The following EXOC6B variants were observed in gnomAD, a reference collection of about 807,000 sequenced individuals.
EXOC6B encodes the protein SEC15 homolog B.
A neutral mutation model predicts 113.5 loss-of-function variants in EXOC6B; 54 were observed. The ratio of observed to expected loss-of-function variants is 0.48; its 90% CI spans 0.38 to 0.60. The LOEUF (loss-of-function observed/expected upper bound fraction) is 0.60, where lower values mean the gene tolerates loss of function less well. Among genes scored for constraint, EXOC6B ranks in the 20% least tolerant of loss-of-function variants. The pLI, the probability that EXOC6B is intolerant of heterozygous loss-of-function variation, is 0.00. For synonymous variants in EXOC6B, 357 were observed against 339.0 expected (o/e 1.05, Z -0.58); for missense variants, 797 against 977.5 (o/e 0.82, Z 2.46).
chr2:72,470,567 T>C (rs944279166), intron 17 of EXOC6B, among the ~76,000 whole-genome samples: 10 of 152,046 alleles, frequency 6.6e-5, no homozygotes, highest in Non-Finnish European at 4.4e-5. Flanking sequence ...GCTGCACCTA[T>C]TAACTCGTCA....
intron 6 of EXOC6B, among the ~76,000 whole-genome samples, chr2:72,625,908 AC>A (rs2104228144): frequency 6.6e-6 from 1 of 152,208 alleles, no homozygotes; most frequent in East Asian, 1.9e-4. Flanking sequence ...CAAAACTATT[AC>A]TTTTACATGG....
At chr2:72,309,586 T>G (rs555096886) in intron 20 of EXOC6B, among the ~76,000 whole-genome samples, 4 of 152,186 alleles carry the variant, frequency 2.6e-5, no homozygotes, top group Admixed American at 2.6e-4. Flanking sequence ...ATTCTTTCAC[T>G]CACTGATGCT....
chr2:72,613,405 T>G (rs954006888), intron 6 of EXOC6B, among the ~76,000 whole-genome samples: 1 of 151,970 alleles, frequency 6.6e-6, no homozygotes, highest in African/African-American at 2.4e-5. Context: ...GTTAATTGAA[T>G]TAATGAAAAA....
intron 6 of EXOC6B, among the ~76,000 whole-genome samples, chr2:72,631,536 G>A (rs1672470585): frequency 1.5e-5 from 2 of 137,134 alleles, no homozygotes; most frequent in Non-Finnish European, 1.5e-5. Flanking sequence ...ACAAGGTCTT[G>A]CTCTGTCACC....
chr2:72,370,263 G>A (rs1451792103), intron 19 of EXOC6B, among the ~76,000 whole-genome samples: 1 of 152,182 alleles, frequency 6.6e-6, no homozygotes, highest in Non-Finnish European at 1.5e-5. Flanking sequence ...ATGAAAAAAT[G>A]CTCATCATCA....
At chr2:72,810,072 C>T (rs1268987510) in intron 1 of EXOC6B, among the ~76,000 whole-genome samples, 1 of 151,958 alleles carries the variant, frequency 6.6e-6, no homozygotes, top group Non-Finnish European at 1.5e-5. Context: ...TGAAATCAAA[C>T]TAGAAATCAG....
rs562913022 is a variant in EXOC6B at position 72,677,323 on chromosome 2, G to A, written c.669+40780C>T. Among the ~76,000 whole-genome samples the A allele has an allele frequency of 2.2e-4, 34 of 152,076 alleles. No individual in the cohort carries two copies. In the South Asian group the frequency reaches 6.3e-3, roughly 28 times the overall value. On this transcript the variant is annotated intron_variant, in intron 6 of 21. Transcript: ENST00000272427. Reference sequence around the variant, plus strand: ...AGGCAGGCAGATCCCTTGAGCCCAGGAGTTCAAGACCAGCCTGGGCAACAT... The same window carrying A: ...AGGCAGGCAGATCCCTTGAGCCCAGAAGTTCAAGACCAGCCTGGGCAACAT...
In EXOC6B at chr2:72,711,700, C is replaced by T. The variant is rs968092215; in HGVS notation, c.669+6403G>A. 5.3e-5 allele frequency among the ~76,000 whole-genome samples: 8 copies of T among 152,190 alleles called. No individual in the cohort carries two copies. The East Asian group carries it at 1.5e-3, about 29-fold the overall frequency. On this transcript the variant is annotated intron_variant, in intron 6 of 21. Coordinates refer to ENST00000272427, the MANE Select transcript of EXOC6B (RefSeq NM_015189.3). ...GTATCATTACTCTTGCACTTTGGAG[C>T]CATTATTAAGTAAAATAAGGGCTGC...
chr2:72,396,396 T>C (rs1448862286), intron 18 of EXOC6B, among the ~76,000 whole-genome samples: 1 of 152,142 alleles, frequency 6.6e-6, no homozygotes, highest in Non-Finnish European at 1.5e-5. Flanking sequence ...ACCAAATGGC[T>C]ATTAAAATAA....
chr2:72,778,216 A>C (rs1330603768), intron 1 of EXOC6B, among the ~76,000 whole-genome samples: 2 of 152,206 alleles, frequency 1.3e-5, no homozygotes, highest in Non-Finnish European at 2.9e-5. Flanking sequence ...TAGTAACAAC[A>C]TGATCCAACT....
intron 20 of EXOC6B, among the ~76,000 whole-genome samples, chr2:72,233,791 C>A (rs1681782766): frequency 6.6e-6 from 1 of 152,226 alleles, no homozygotes; most frequent in African/African-American, 2.4e-5. Flanking sequence ...TGGCTGGCAG[C>A]CACAGCTTCC....
chr2:72,415,675 T>G (rs1694478895), intron 18 of EXOC6B, among the ~76,000 whole-genome samples: 1 of 152,162 alleles, frequency 6.6e-6, no homozygotes, highest in South Asian at 2.1e-4. Context: ...GATGGAACAC[T>G]GCTTTTCCTC....
chr2:72,686,199 A>C (rs1364092623), intron 6 of EXOC6B, among the ~76,000 whole-genome samples: 1 of 152,160 alleles, frequency 6.6e-6, no homozygotes, highest in Non-Finnish European at 1.5e-5. Context: ...TTCTTCTTTT[A>C]AGTTCCATGG....
Position 72,254,737 on chromosome 2 carries a change from C to T in EXOC6B, c.2197-70550G>A, listed in dbSNP as rs376567226. ...ACATTAAACACAATTCAGGGCCAGGCGTGGTGGCTCACACCTATAATCCTA... is the reference window on the plus strand; with the variant it reads ...ACATTAAACACAATTCAGGGCCAGGTGTGGTGGCTCACACCTATAATCCTA... On this transcript the variant is annotated intron_variant, in intron 20 of 21. Transcript: ENST00000272427. Among the ~76,000 whole-genome samples the T allele has an allele frequency of 2.4e-3, 363 of 152,208 alleles. 1 individual carries two copies. In the South Asian group the frequency reaches 0.029, roughly 12 times the overall value.
intron 18 of EXOC6B, among the ~76,000 whole-genome samples, chr2:72,382,735 G>T (rs1233229780): frequency 2.6e-5 from 4 of 151,922 alleles, no homozygotes; most frequent in Admixed American, 2.6e-4. Flanking sequence ...TCATTATAGA[G>T]CTCTTTCATG....
At chr2:72,495,167 C>T (rs1699969746) in intron 15 of EXOC6B, among the ~76,000 whole-genome samples, 1 of 151,942 alleles carries the variant, frequency 6.6e-6, no homozygotes, top group African/African-American at 2.4e-5. Context: ...CTACCATTTT[C>T]TAGTAAACTG....
intron 20 of EXOC6B, among the ~76,000 whole-genome samples, chr2:72,306,291 C>A (rs1686854181): frequency 6.6e-6 from 1 of 152,186 alleles, no homozygotes; most frequent in South Asian, 2.1e-4. Context: ...AGTTAGGTGA[C>A]TTTACCTTAA....
At chr2:72,716,448 T>C (rs1679623693) in intron 6 of EXOC6B, among the ~76,000 whole-genome samples, 2 of 152,302 alleles carry the variant, frequency 1.3e-5, no homozygotes, top group East Asian at 3.9e-4. Flanking sequence ...TACAAAAGAT[T>C]TTTTAATGTG....
At chr2:72,357,323 A>G (rs1308681674) in intron 19 of EXOC6B, among the ~76,000 whole-genome samples, 1 of 152,192 alleles carries the variant, frequency 6.6e-6, no homozygotes, top group African/African-American at 2.4e-5. Context: ...AAAGCATAGT[A>G]TATATAGTTA....
Sources: allele counts gnomAD v4.1 joint callset (sites outside exome capture counted in the v4.1 genomes callset), GRCh38; gene constraint gnomAD v4.1.1; transcripts MANE v1.5; gene names NCBI Gene and HGNC (gene_info 2026-07-23, HGNC 2026-07-21).